The following APC variants were observed in gnomAD, a reference collection of about 807,000 sequenced individuals.
The protein encoded by APC is adenomatous polyposis coli protein.
In APC, 72 loss-of-function variants were observed where a neutral mutation model predicts 247.0. That is an observed-to-expected ratio of 0.29 (90% confidence interval 0.24 to 0.35). The LOEUF is 0.35. Ranked by LOEUF, APC falls within the 10% of genes least tolerant of loss-of-function variation. APC has a pLI of 1.00. For synonymous variants in APC, 1,254 were observed against 1,162.5 expected, an observed-to-expected ratio of 1.08 and a Z score of -1.60; for missense variants, 3,400 against 3,360.7, an observed-to-expected ratio of 1.01 and a Z score of -0.29.
At chr5:112,817,970 A>G (rs1270979914) in intron 9 of APC, among the ~76,000 whole-genome samples, 1 of 152,210 alleles carries the variant, frequency 6.6e-6, no homozygotes, top group Non-Finnish European at 1.5e-5. Context: ...TTACGCATCT[A>G]AAGCAGCATT....
chr5:112,780,951 A>G (rs751598010), intron 6 of APC, 48 bp downstream of exon 6: 3 of 1,201,256 alleles, frequency 2.5e-6, no homozygotes, highest in East Asian at 5.0e-5. Flanking sequence ...GCTATTAGGA[A>G]TAAAATGAAT....
intron 4 of APC, among the ~76,000 whole-genome samples, chr5:112,774,926 A>G (rs892372461): frequency 6.6e-6 from 1 of 152,224 alleles, no homozygotes; most frequent in African/African-American, 2.4e-5. Flanking sequence ...TAAGAAAATT[A>G]TAACAGTGGT....
intron 14 of APC, among the ~76,000 whole-genome samples, chr5:112,833,120 C>T (rs1374417113): frequency 1.3e-5 from 2 of 151,634 alleles, no homozygotes; most frequent in Non-Finnish European, 2.9e-5. Context: ...CTCAAGCTAG[C>T]CTCCCGCCTC....
intron 1 of APC, among the ~76,000 whole-genome samples, chr5:112,716,530 A>G (rs1297510500): frequency 6.6e-6 from 1 of 152,058 alleles, no homozygotes; most frequent in Non-Finnish European, 1.5e-5. Flanking sequence ...CCATTTATTG[A>G]GTGCAGGTCT....
intron 10 of APC, among the ~76,000 whole-genome samples, chr5:112,820,801 G>A (rs1040589292): frequency 3.9e-5 from 6 of 152,106 alleles, no homozygotes; most frequent in Non-Finnish European, 8.8e-5. Flanking sequence ...TCTGTTTACT[G>A]TCTAGTATAT....
chr5:112,774,155 G>A (rs1561475462), intron 4 of APC, among the ~76,000 whole-genome samples: 1 of 152,112 alleles, frequency 6.6e-6, no homozygotes, highest in African/African-American at 2.4e-5. Context: ...CTCCAACTAA[G>A]AGTTGGTTGT....
chr5:112,793,387 A>G (rs182435106), intron 7 of APC, among the ~76,000 whole-genome samples: 19 of 152,264 alleles, frequency 1.2e-4, no homozygotes, highest in Non-Finnish European at 2.2e-4. Flanking sequence ...TCTGGAAGGA[A>G]CTTCTATAAG....
chr5:112,828,291 C>T (rs1191471479), intron 13 of APC, among the ~76,000 whole-genome samples: 2 of 152,096 alleles, frequency 1.3e-5, no homozygotes, highest in Non-Finnish European at 2.9e-5. Flanking sequence ...GGATTACAGG[C>T]GTGTGCCACC....
intron 9 of APC, among the ~76,000 whole-genome samples, chr5:112,817,263 C>A (rs941215941): frequency 3.3e-5 from 5 of 152,160 alleles, no homozygotes; most frequent in African/African-American, 1.2e-4. Flanking sequence ...TAATTGTTTT[C>A]ACAGCATACT....
At chr5:112,818,855 G>GGGTGTTTTT in intron 9 of APC, 111 bp from the exon 10 acceptor site, 23 of 1,118,274 alleles carry the variant, frequency 2.1e-5, no homozygotes, top group East Asian at 1.0e-4. Context: ...GGCGGGGGGG[G>GGGTGTTTTT]TTGTTTTGTT....
At chr5:112,749,479 A>ATTTTTTTTTTTTTTT (rs536428390) in intron 1 of APC, among the ~76,000 whole-genome samples, 2 of 104,066 alleles carry the variant, frequency 1.9e-5, no homozygotes, top group African/African-American at 3.6e-5. Context: ...TACTGCTCCA[A>ATTTTTTTTTTTTTTT]TTTTTTTTTT....
At chr5:112,782,186 A>G (rs1758424074) in intron 6 of APC, among the ~76,000 whole-genome samples, 1 of 152,224 alleles carries the variant, frequency 6.6e-6, no homozygotes, top group Non-Finnish European at 1.5e-5. Flanking sequence ...CATGGGTGGC[A>G]GCAGGCAAAG....
At position 112,819,281 on chromosome 5, in the gene APC, T is replaced by C. The variant is rs1443626644; in HGVS notation, c.1249T>C (p.Cys417Arg). The change falls in exon 10 of 16, where the codon TGT (cysteine) becomes CGT (arginine). Residue 417 changes from cysteine (C) to arginine (R), a missense_variant. Cys to Arg is a radical substitution (Grantham distance 180). This residue lies in a region of APC where 199 missense variants were observed against 212.5 expected (regional missense o/e 0.94). Transcript: ENST00000257430. Reference protein sequence around the residue: ...LHLLEQIRAYCETCWEWQEAH... With the variant: ...LHLLEQIRAYRETCWEWQEAH... ...TCTTTTGGAACAGATACGCGCTTAC[T>C]GTGAAACCTGTTGGGAGTGGCAGGA... 5.6e-6 allele frequency: 9 copies of C among 1,613,952 alleles called. No homozygotes were observed. The highest frequency in any genetic ancestry group is 6.8e-6 in the Non-Finnish European group (8 of 1,179,990).
chr5:112,741,054 A>G (rs1561423187), intron 1 of APC, among the ~76,000 whole-genome samples: 2 of 152,192 alleles, frequency 1.3e-5, no homozygotes, highest in Admixed American at 1.3e-4. Flanking sequence ...ATAGAGTATT[A>G]TGGTTCAGAA....
intron 1 of APC, among the ~76,000 whole-genome samples, 157 bp downstream of exon 1, chr5:112,738,082 T>C (rs1752538060): frequency 6.6e-6 from 1 of 152,118 alleles, no homozygotes; most frequent in Non-Finnish European, 1.5e-5. Context: ...CGCCCCCCAC[T>C]GCAGCACTGG....
At chr5:112,767,452 TATA>T (rs894447968) in intron 4 of APC, 62 bp downstream of exon 4, 10 of 1,317,680 alleles carry the variant, frequency 7.6e-6, no homozygotes, top group African/African-American at 1.5e-5. Flanking sequence ...TATTTTGTAA[TATA>T]ATATTTAAAT....
chr5:112,762,643 A>T (rs1003594561), intron 2 of APC, among the ~76,000 whole-genome samples: 3 of 152,244 alleles, frequency 2.0e-5, no homozygotes, highest in African/African-American at 7.2e-5. Context: ...GAGCATGCCA[A>T]ACTCTTCTGA....
At chr5:112,745,008 T>A (rs898823166) in intron 1 of APC, among the ~76,000 whole-genome samples, 2 of 152,178 alleles carry the variant, frequency 1.3e-5, no homozygotes, top group African/African-American at 4.8e-5. Flanking sequence ...AATGAGTTAA[T>A]ATATAGAAAG....
chr5:112,711,594 C>T (rs1365132699), intron 1 of APC, among the ~76,000 whole-genome samples: 1 of 152,170 alleles, frequency 6.6e-6, no homozygotes, highest in Non-Finnish European at 1.5e-5. Flanking sequence ...GTGTCTCACA[C>T]CTGTAATCCC....
Sources: allele counts gnomAD v4.1 joint callset (sites outside exome capture counted in the v4.1 genomes callset), GRCh38; gene constraint gnomAD v4.1.1; regional missense constraint gnomAD v4.1.1; transcripts MANE v1.5; gene names NCBI Gene and HGNC (gene_info 2026-07-23, HGNC 2026-07-21).